AMBRA1: variants seen among roughly 807,000 people sequenced by gnomAD.
AMBRA1 encodes the protein autophagy and beclin 1 regulator 1, also known as activating molecule in BECN1-regulated autophagy protein 1.
In AMBRA1, 47 loss-of-function variants were observed where a neutral mutation model predicts 125.4. The ratio of observed to expected loss-of-function variants is 0.37; its 90% CI spans 0.30 to 0.48. The LOEUF (loss-of-function observed/expected upper bound fraction) is 0.48. AMBRA1 is among the 20% of genes least tolerant of loss of function. AMBRA1 has a pLI of 0.99. For missense variants in AMBRA1, 1,331 were observed against 1,693.4 expected (o/e 0.79, Z 3.76); for synonymous variants, 626 against 655.5 (o/e 0.95, Z 0.69).
chr11:46,418,310 TTTATTATTTATATATAAATATGTATTTTA>T (rs1272817873), intron 14 of AMBRA1, among the ~76,000 whole-genome samples: 10 of 636 alleles, frequency 0.016, no homozygotes, highest in East Asian at 0.1. Context: ...TAATATATAT[TTTATTATTTATATATAAATATGTATTTTA>T]TTATTTATAT....
chr11:46,543,319 G>T lies in AMBRA1; in HGVS notation c.698C>A (p.Pro233Gln). The change falls in exon 7 of 18, where the codon CCA (proline) becomes CAA (glutamine). Residue 233 changes from proline (P) to glutamine (Q), a missense_variant. By Grantham distance (76) the Pro-to-Gln change is moderately conservative. Transcript: ENST00000683756. ...YRQRALLQSQ[P>Q]VRRTPLLHNF... ...GTGGAGGAGAGGCGTCCGGCGAACT[G>T]GCTGTGATTGCAGGAGGGCACGCTG... 1 of 1,614,058 alleles carries T rather than the reference G, an allele frequency of 6.2e-7. No homozygotes were observed. The highest frequency in any genetic ancestry group is 8.5e-7 in the Non-Finnish European group (1 of 1,179,990).
At chr11:46,570,484 T>C (rs1377374059) in intron 1 of AMBRA1, among the ~76,000 whole-genome samples, 1 of 152,124 alleles carries the variant, frequency 6.6e-6, no homozygotes, top group African/African-American at 2.4e-5. Context: ...AGTATATTGC[T>C]GATCATTTTA....
intron 1 of AMBRA1, among the ~76,000 whole-genome samples, chr11:46,588,471 T>TTTCTC (rs1225600745): frequency 6.6e-6 from 1 of 152,134 alleles, no homozygotes; most frequent in African/African-American, 2.4e-5. Flanking sequence ...TTTCTCAATG[T>TTTCTC]AATCAACTTA....
At chr11:46,494,490 T>C (rs886254648) in intron 9 of AMBRA1, 15 of 313,650 alleles carry the variant, frequency 4.8e-5, no homozygotes, top group Non-Finnish European at 6.7e-5. Flanking sequence ...CATTTAGATC[T>C]TAGGATTTGG....
intron 17 of AMBRA1, among the ~76,000 whole-genome samples, chr11:46,407,995 G>C (rs528686906): frequency 2.6e-5 from 4 of 152,174 alleles, no homozygotes; most frequent in African/African-American, 4.8e-5. Flanking sequence ...AGTCAGGGCC[G>C]AGTGTGGCAG....
At chr11:46,414,492 CCT>C (rs549756593) in intron 15 of AMBRA1, among the ~76,000 whole-genome samples, 140 of 152,286 alleles carry the variant, frequency 9.2e-4, no homozygotes, top group African/African-American at 2.9e-3. Context: ...CCATGAGTCC[CCT>C]GATTCTGTCC....
intron 1 of AMBRA1, among the ~76,000 whole-genome samples, chr11:46,579,149 T>C (rs760492963): frequency 1.4e-5 from 2 of 146,084 alleles, no homozygotes; most frequent in African/African-American, 2.5e-5. Flanking sequence ...AGGCTAAACA[T>C]AGCAAATTTT....
chr11:46,564,610 A>G lies in AMBRA1; in HGVS notation c.-120-16110T>C, dbSNP rs182849941. Among the ~76,000 whole-genome samples, 1,104 of 152,250 alleles carry G rather than the reference A, an allele frequency of 7.3e-3. 22 individuals carry two copies. The highest frequency in any genetic ancestry group is 0.026 in the African/African-American group (1,072 of 41,556). On this transcript the variant is annotated intron_variant, in intron 1 of 17. Coordinates refer to ENST00000683756, the MANE Select transcript of AMBRA1 (RefSeq NM_001387011.1). ...GCTCTCTTCATGTCCTCACACCTAGAAAGTCATAATTAGAAAGAGCTGATT... is the reference window on the plus strand; with the variant it reads ...GCTCTCTTCATGTCCTCACACCTAGGAAGTCATAATTAGAAAGAGCTGATT...
chr11:46,593,804 C>A, intron 1 of AMBRA1, 24 bp downstream of exon 1: 1 of 395,342 alleles, frequency 2.5e-6, no homozygotes, highest in East Asian at 3.6e-5. Context: ...CGGGCTGGGC[C>A]TCCCAGGCTC....
chr11:46,453,829 C>A (rs571847416), intron 11 of AMBRA1, among the ~76,000 whole-genome samples: 1 of 152,252 alleles, frequency 6.6e-6, no homozygotes, highest in East Asian at 1.9e-4. Flanking sequence ...AACTACTCTA[C>A]CAGTCATTTA....
At chr11:46,517,444 C>T (rs576218494) in intron 7 of AMBRA1, among the ~76,000 whole-genome samples, 2 of 147,354 alleles carry the variant, frequency 1.4e-5, no homozygotes, top group African/African-American at 5.0e-5. Context: ...CCACCGCGCC[C>T]GGCTAGAAAG....
chr11:46,449,058 T>C (rs968179175), intron 11 of AMBRA1, among the ~76,000 whole-genome samples: 3 of 151,992 alleles, frequency 2.0e-5, no homozygotes, highest in Non-Finnish European at 2.9e-5. Flanking sequence ...AAAATAGAAA[T>C]ATGAAATACC....
chr11:46,531,030 C>G (rs1044969460), intron 7 of AMBRA1, among the ~76,000 whole-genome samples: 5 of 152,086 alleles, frequency 3.3e-5, no homozygotes, highest in Non-Finnish European at 5.9e-5. Context: ...AAAACAGGTG[C>G]CTGCCACCAT....
At chr11:46,539,556 T>C (rs1226782271) in intron 7 of AMBRA1, among the ~76,000 whole-genome samples, 1 of 151,988 alleles carries the variant, frequency 6.6e-6, no homozygotes, top group East Asian at 1.9e-4. Flanking sequence ...AAACTCCATC[T>C]CAAAAAAATA....
chr11:46,541,476 G>T (rs1296917026), intron 7 of AMBRA1, among the ~76,000 whole-genome samples: 1 of 152,058 alleles, frequency 6.6e-6, no homozygotes, highest in African/African-American at 2.4e-5. Context: ...AAAAGATAAG[G>T]ATTAGGAAGT....
intron 1 of AMBRA1, among the ~76,000 whole-genome samples, chr11:46,577,127 C>T (rs2043985575): frequency 1.3e-5 from 2 of 152,036 alleles, no homozygotes; most frequent in South Asian, 4.1e-4. Flanking sequence ...AGGTATATTC[C>T]TAAAATAACT....
At chr11:46,486,490 C>T (rs1284246379) in intron 11 of AMBRA1, among the ~76,000 whole-genome samples, 1 of 152,154 alleles carries the variant, frequency 6.6e-6, no homozygotes, top group Non-Finnish European at 1.5e-5. Context: ...GTTAGCAAGC[C>T]TGAGGCTCTA....
chr11:46,530,974 C>T (rs1216361720), intron 7 of AMBRA1, among the ~76,000 whole-genome samples: 1 of 152,206 alleles, frequency 6.6e-6, no homozygotes, highest in Non-Finnish European at 1.5e-5. Flanking sequence ...ACTTCCACCT[C>T]CCAGATTCAA....
chr11:46,558,764 G>C (rs542711054), intron 1 of AMBRA1, among the ~76,000 whole-genome samples: 1 of 152,004 alleles, frequency 6.6e-6, no homozygotes, highest in African/African-American at 2.4e-5. Flanking sequence ...CTTAGGACTC[G>C]TTCTTCCTAA....
Sources: allele counts gnomAD v4.1 joint callset (sites outside exome capture counted in the v4.1 genomes callset), GRCh38; gene constraint gnomAD v4.1.1; transcripts MANE v1.5; gene names NCBI Gene and HGNC (gene_info 2026-07-23, HGNC 2026-07-21).